The following PDE4D variants were observed in gnomAD, a reference collection of about 807,000 sequenced individuals.
PDE4D encodes phosphodiesterase 4D.
A neutral mutation model predicts 87.4 loss-of-function variants in PDE4D; 24 were observed. That is an observed-to-expected ratio of 0.27 (90% CI 0.20 to 0.39). The LOEUF (loss-of-function observed/expected upper bound fraction) is 0.39, where lower values mean the gene tolerates loss of function less well. PDE4D is among the 10% of genes least tolerant of loss of function. The probability of loss-of-function intolerance (pLI) is 1.00; values close to 1 mark genes in which losing one functional copy is unlikely to be tolerated. For missense variants in PDE4D, 714 were observed against 1,041.0 expected, an observed-to-expected ratio of 0.69 and a Z score of 4.32; for synonymous variants, 384 against 383.2, an observed-to-expected ratio of 1.00 and a Z score of -0.02.
chr5:59,229,308 GT>G (rs1366958054), intron 1 of PDE4D, among the ~76,000 whole-genome samples: 1 of 152,096 alleles, frequency 6.6e-6, no homozygotes, highest in Non-Finnish European at 1.5e-5. Context: ...ATGGTTATCT[GT>G]GTAGTTCTAC....
intron 3 of PDE4D, among the ~76,000 whole-genome samples, chr5:59,925,893 A>T (rs1223324801): frequency 6.6e-6 from 1 of 152,194 alleles, no homozygotes; most frequent in African/African-American, 2.4e-5. Context: ...CTAGAGAGAG[A>T]GGTAGACCCC....
intron 1 of PDE4D, among the ~76,000 whole-genome samples, chr5:59,813,044 A>AT (rs570007997): frequency 2.2e-3 from 337 of 152,206 alleles, no homozygotes; most frequent in Admixed American, 3.4e-3. Flanking sequence ...TTGCTGTAAT[A>AT]TTTTTTCTCA....
At chr5:59,593,878 T>C (rs1033752798) in intron 1 of PDE4D, among the ~76,000 whole-genome samples, 2 of 152,150 alleles carry the variant, frequency 1.3e-5, no homozygotes, top group Non-Finnish European at 2.9e-5. Flanking sequence ...ACAGTAAATA[T>C]TGGAGAAAAA....
chr5:60,327,408 T>G (rs894893592), intron 1 of PDE4D, among the ~76,000 whole-genome samples: 2 of 152,200 alleles, frequency 1.3e-5, no homozygotes, highest in African/African-American at 4.8e-5. Flanking sequence ...AACTTTCACA[T>G]GTGAGTTTTT....
chr5:59,115,397 G>GT (rs1773434167), intron 5 of PDE4D, among the ~76,000 whole-genome samples: 1 of 152,030 alleles, frequency 6.6e-6, no homozygotes, highest in Non-Finnish European at 1.5e-5. Context: ...TTCTGTTGTT[G>GT]TTTTCAGGCC....
intron 1 of PDE4D, among the ~76,000 whole-genome samples, chr5:60,322,793 T>C (rs1386416052): frequency 1.3e-5 from 2 of 152,200 alleles, no homozygotes; most frequent in African/African-American, 2.4e-5. Context: ...TGTCTCTCTG[T>C]TCTCATTGCA....
At chr5:59,569,442 G>A (rs910500053) in intron 1 of PDE4D, among the ~76,000 whole-genome samples, 3 of 152,056 alleles carry the variant, frequency 2.0e-5, no homozygotes, top group South Asian at 2.1e-4. Context: ...CAAAAAGTAC[G>A]ACATATAAAG....
chr5:60,130,809 T>A (rs1211962277), intron 2 of PDE4D, among the ~76,000 whole-genome samples: 1 of 152,194 alleles, frequency 6.6e-6, no homozygotes, highest in African/African-American at 2.4e-5. Flanking sequence ...GTAAAAGATA[T>A]GTCTGTGCCT....
At chr5:60,444,813 G>T (rs538210347) in intron 1 of PDE4D, among the ~76,000 whole-genome samples, 1 of 151,538 alleles carries the variant, frequency 6.6e-6, no homozygotes, top group South Asian at 2.1e-4. Flanking sequence ...CTGACAAGCC[G>T]TTCTGGGGGG....
At chr5:59,544,880 T>C (rs555025267) in intron 1 of PDE4D, among the ~76,000 whole-genome samples, 1 of 152,234 alleles carries the variant, frequency 6.6e-6, no homozygotes, top group Non-Finnish European at 1.5e-5. Context: ...GATTAGTTTA[T>C]TTCTTTCAAC....
At chr5:59,988,437 C>A in intron 3 of PDE4D, 3 of 1,225,308 alleles carry the variant, frequency 2.4e-6, no homozygotes, top group Non-Finnish European at 3.4e-6. Flanking sequence ...CCACAGACAA[C>A]AATCACCATC....
At chr5:59,658,413 G>A (rs969209678) in intron 1 of PDE4D, among the ~76,000 whole-genome samples, 9 of 150,906 alleles carry the variant, frequency 6.0e-5, no homozygotes, top group Non-Finnish European at 8.8e-5. Context: ...ACGGAGTCTC[G>A]CTCTGTCACC....
intron 1 of PDE4D, among the ~76,000 whole-genome samples, chr5:59,764,791 G>C (rs1434823485): frequency 6.6e-6 from 1 of 151,696 alleles, no homozygotes; most frequent in African/African-American, 2.4e-5. Flanking sequence ...GTGGAGCTGG[G>C]ATTACAGGCA....
At chr5:59,756,666 C>T (rs1761275464) in intron 1 of PDE4D, among the ~76,000 whole-genome samples, 1 of 152,084 alleles carries the variant, frequency 6.6e-6, no homozygotes, top group Admixed American at 6.6e-5. Flanking sequence ...ATGGATCCCC[C>T]TGGGTGTTCA....
At chr5:59,618,009 A>AT (rs564519628) in intron 1 of PDE4D, among the ~76,000 whole-genome samples, 103 of 147,556 alleles carry the variant, frequency 7.0e-4, no homozygotes, top group South Asian at 1.7e-3. Flanking sequence ...TTATTTTCTG[A>AT]TTTTTTTTTT....
intron 2 of PDE4D, among the ~76,000 whole-genome samples, chr5:60,007,581 A>G (rs528435753): frequency 1.3e-5 from 2 of 152,110 alleles, no homozygotes; most frequent in South Asian, 4.1e-4. Context: ...TACCTACACT[A>G]CTTTAACTTT....
At chr5:60,117,309 C>T (rs1226592105) in intron 2 of PDE4D, among the ~76,000 whole-genome samples, 1 of 151,890 alleles carries the variant, frequency 6.6e-6, no homozygotes, top group East Asian at 1.9e-4. Flanking sequence ...CCTACTGGCC[C>T]TTTGTTTTTC....
chr5:59,274,396 A>G (rs529892287), intron 1 of PDE4D, among the ~76,000 whole-genome samples: 38 of 152,240 alleles, frequency 2.5e-4, no homozygotes, highest in African/African-American at 9.1e-4. Flanking sequence ...GACGCAAATA[A>G]TTTGAGTATT....
chr5:60,124,336 G>C (rs1332477701), intron 2 of PDE4D, among the ~76,000 whole-genome samples: 1 of 152,024 alleles, frequency 6.6e-6, no homozygotes, highest in Non-Finnish European at 1.5e-5. Context: ...GGGCTGTCCA[G>C]AAATATTACT....
Sources: gnomAD v4.1 joint callset for allele counts (sites outside exome capture counted in the v4.1 genomes callset) on GRCh38, gnomAD v4.1.1 for gene constraint, MANE v1.5 for transcripts, NCBI Gene and HGNC (gene_info 2026-07-23, HGNC 2026-07-21) for gene names.